The following SUGCT variants were observed in gnomAD, a reference collection of about 807,000 sequenced individuals.
SUGCT encodes succinyl-CoA:glutarate-CoA transferase.
SUGCT carries 41 observed loss-of-function variants against 55.0 expected under a neutral mutation model. The ratio of observed to expected loss-of-function variants is 0.74; its 90% CI spans 0.58 to 0.97. The LOEUF is 0.97. Among genes scored for constraint, SUGCT ranks in the 50% least tolerant of loss-of-function variants. The pLI, the probability that SUGCT is intolerant of heterozygous loss-of-function variation, is 0.00. For synonymous variants in SUGCT, 187 were observed against 200.4 expected, an observed-to-expected ratio of 0.93 and a Z score of 0.56; for missense variants, 568 against 547.8, an observed-to-expected ratio of 1.04 and a Z score of -0.37.
intron 13 of SUGCT, among the ~76,000 whole-genome samples, chr7:40,820,078 G>A (rs923691676): frequency 6.6e-5 from 10 of 152,102 alleles, no homozygotes; most frequent in Non-Finnish European, 1.0e-4. Flanking sequence ...TAGATGTGTG[G>A]TATTATTTCT....
At chr7:40,969,351 T>G in the SUGCT span, among the ~76,000 whole-genome samples, 3 of 152,054 alleles carry the variant, frequency 2.0e-5, no homozygotes, top group African/African-American at 7.2e-5. Flanking sequence ...ACTGATACAT[T>G]TTATGTATTT....
At chr7:40,469,977 T>C (rs1790320476) in intron 11 of SUGCT, among the ~76,000 whole-genome samples, 1 of 152,146 alleles carries the variant, frequency 6.6e-6, no homozygotes, top group South Asian at 2.1e-4. Context: ...TTGGATATCA[T>C]CAAATTTAAC....
chr7:40,488,570 A>G (rs919139499), intron 11 of SUGCT, among the ~76,000 whole-genome samples: 1 of 152,076 alleles, frequency 6.6e-6, no homozygotes, highest in Non-Finnish European at 1.5e-5. Flanking sequence ...TTTATCAGTG[A>G]GTTTTATACT....
intron 13 of SUGCT, among the ~76,000 whole-genome samples, chr7:40,827,652 A>G (rs1792384307): frequency 6.6e-6 from 1 of 152,018 alleles, no homozygotes; most frequent in Admixed American, 6.5e-5. Flanking sequence ...CCAGGCCTGG[A>G]GCTTCGGGCC....
At chr7:40,992,504 C>T in the SUGCT span, among the ~76,000 whole-genome samples, 4 of 152,044 alleles carry the variant, frequency 2.6e-5, no homozygotes, top group African/African-American at 7.2e-5. Flanking sequence ...TTGTAGGTCT[C>T]GGCCTTATTT....
chr7:40,175,241 A>G (rs1784867474), intron 1 of SUGCT, among the ~76,000 whole-genome samples: 1 of 149,118 alleles, frequency 6.7e-6, no homozygotes, highest in Admixed American at 6.7e-5. Flanking sequence ...TTTTTTCGAG[A>G]CAGAGTCTCA....
chr7:40,552,392 G>T (rs1057027908), intron 12 of SUGCT, among the ~76,000 whole-genome samples: 2 of 152,084 alleles, frequency 1.3e-5, no homozygotes, highest in African/African-American at 4.8e-5. Flanking sequence ...GCTTACATCA[G>T]TTAATGGCTG....
chr7:41,032,676 C>T, the SUGCT span, among the ~76,000 whole-genome samples: 1 of 152,192 alleles, frequency 6.6e-6, no homozygotes, highest in Non-Finnish European at 1.5e-5. Context: ...ATGCAGAATG[C>T]CACCTCTGAG....
chr7:40,232,310 T>G (rs1788768647), intron 6 of SUGCT, among the ~76,000 whole-genome samples: 2 of 152,168 alleles, frequency 1.3e-5, no homozygotes, highest in South Asian at 4.1e-4. Flanking sequence ...TCGGGAGAGT[T>G]GTTTTGATAA....
intron 8 of SUGCT, among the ~76,000 whole-genome samples, chr7:40,275,834 C>A (rs991130602): frequency 2.6e-5 from 4 of 152,136 alleles, no homozygotes; most frequent in African/African-American, 9.7e-5. Context: ...GTCAAAATGA[C>A]ATTTTGCCTT....
chr7:40,328,699 A>G (rs1377399066), intron 9 of SUGCT, among the ~76,000 whole-genome samples: 1 of 151,944 alleles, frequency 6.6e-6, no homozygotes, highest in African/African-American at 2.4e-5. Context: ...TGAACAAGAA[A>G]GTGGGTTTTG....
At chr7:40,922,495 C>T in the SUGCT span, among the ~76,000 whole-genome samples, 1 of 152,140 alleles carries the variant, frequency 6.6e-6, no homozygotes, top group Non-Finnish European at 1.5e-5. Flanking sequence ...GTTCTTAGTC[C>T]TTGCCAAGGA....
chr7:40,209,053 G>A (rs1787180473), intron 6 of SUGCT, among the ~76,000 whole-genome samples: 2 of 151,984 alleles, frequency 1.3e-5, no homozygotes, highest in Admixed American at 1.3e-4. Context: ...TTATTCCATT[G>A]TAAATTGTCA....
chr7:41,037,262 A>G, the SUGCT span, among the ~76,000 whole-genome samples: 417 of 152,088 alleles, frequency 2.7e-3, 1 homozygote, highest in African/African-American at 9.8e-3. Flanking sequence ...TTCCCCCCAC[A>G]TAGACACTCT....
chr7:40,843,402 C>T (rs1793378808), intron 13 of SUGCT, among the ~76,000 whole-genome samples: 1 of 150,954 alleles, frequency 6.6e-6, no homozygotes, highest in African/African-American at 2.4e-5. Flanking sequence ...CCCAGCTACT[C>T]GGGAGGGTGA....
At chr7:41,023,644 C>T in the SUGCT span, among the ~76,000 whole-genome samples, 3 of 152,162 alleles carry the variant, frequency 2.0e-5, no homozygotes, top group East Asian at 5.8e-4. Context: ...TCCTACAATC[C>T]CATTTCTTTT....
At chr7:40,302,233 T>C (rs2151079834) in intron 8 of SUGCT, among the ~76,000 whole-genome samples, 1 of 152,346 alleles carries the variant, frequency 6.6e-6, no homozygotes, top group Non-Finnish European at 1.5e-5. Context: ...TCTCCTCCTT[T>C]GGCCTTTAGA....
intron 11 of SUGCT, among the ~76,000 whole-genome samples, chr7:40,485,124 A>T (rs904216182): frequency 6.6e-6 from 1 of 152,070 alleles, no homozygotes; most frequent in Non-Finnish European, 1.5e-5. Flanking sequence ...GTTCATTTTT[A>T]AAAAGTTAAT....
intron 12 of SUGCT, among the ~76,000 whole-genome samples, chr7:40,740,112 A>C (rs1162198141): frequency 6.6e-6 from 1 of 152,036 alleles, no homozygotes; most frequent in Non-Finnish European, 1.5e-5. Flanking sequence ...TCCAGCATAC[A>C]CAGTCTATAC....
Sources: allele counts gnomAD v4.1 joint callset (sites outside exome capture counted in the v4.1 genomes callset), GRCh38; gene constraint gnomAD v4.1.1; transcripts MANE v1.5; gene names NCBI Gene and HGNC (gene_info 2026-07-23, HGNC 2026-07-21).